The following NBEAL1 variants were observed in gnomAD, a reference collection of about 807,000 sequenced individuals.
The protein encoded by NBEAL1 is neurobeachin-like protein 1.
In NBEAL1, 273 loss-of-function variants were observed where a neutral mutation model predicts 351.3. The observed-to-expected ratio is 0.78, with a 90% CI of 0.70 to 0.86. The LOEUF is 0.86. NBEAL1 is among the 40% of genes least tolerant of loss of function. The pLI is 0.00. For synonymous variants in NBEAL1, 1,050 were observed against 1,086.4 expected (o/e 0.97, Z 0.66); for missense variants, 2,961 against 3,201.3 (o/e 0.92, Z 1.81).
At chr2:203,217,086 G>A (rs1217457430) in intron 55 of NBEAL1, among the ~76,000 whole-genome samples, 167 bp from the exon 56 acceptor site, 1 of 152,222 alleles carries the variant, frequency 6.6e-6, no homozygotes, top group Non-Finnish European at 1.5e-5. Flanking sequence ...TTACAGGCAT[G>A]AGTCACCACA....
rs941121068 is a variant in NBEAL1 at position 203,057,415 on chromosome 2, A to T, written c.477A>T (p.Leu159Phe). Residue 159 changes from leucine (L) to phenylalanine (F), a missense_variant, in exon 6 of 56, where the codon TTA becomes TTT. Leu to Phe is a conservative substitution (Grantham distance 22). Transcript: ENST00000683969. ...VIHALAFCES[L>F]YDPYRNWRHR... is the part of the protein sequence containing the mutation. ...ACGCATTGGCATTTTGTGAAAGCTT[A>T]TATGATCCATATCGGAATTGGAGAC... The T allele has an allele frequency of 6.4e-7, 1 of 1,552,660 alleles. No homozygotes were observed. Among genetic ancestry groups the T allele is most frequent in the Non-Finnish European group, 8.7e-7 (1 of 1,146,638 alleles).
At chr2:203,111,636 G>A (rs1398067618) in intron 15 of NBEAL1, among the ~76,000 whole-genome samples, 1 of 152,144 alleles carries the variant, frequency 6.6e-6, no homozygotes, top group African/African-American at 2.4e-5. Context: ...GATTACAGGT[G>A]TGAGCCACTG....
Position 203,208,306 on chromosome 2 carries a change from A to G in NBEAL1, c.7507-331A>G, listed in dbSNP as rs147532215. 1.9e-3 allele frequency among the ~76,000 whole-genome samples: 297 copies of G among 152,332 alleles called. 2 individuals are homozygous for G. Among genetic ancestry groups the G allele is most frequent in the African/African-American group, 6.5e-3 (269 of 41,576 alleles). On this transcript the variant is annotated intron_variant, in intron 51 of 55. Transcript: ENST00000683969. ...CTGTCTCAAAAAAATAAGGTTATTC[A>G]GAAATATAACACAAAAAGTTTATTT...
chr2:203,129,513 A>G lies in NBEAL1; in HGVS notation c.3406-805A>G, dbSNP rs142379390. Among the ~76,000 whole-genome samples the G allele has an allele frequency of 3.5e-4, 54 of 152,358 alleles. 1 individual carries two copies. In the East Asian group the frequency reaches 8.1e-3, roughly 23 times the overall value. On this transcript the variant is annotated intron_variant, in intron 24 of 55. Transcript: ENST00000683969. ...ATCTTATTTCATGATAGCTGTATCT[A>G]TGATTCATTGCCAACAATATTTTTT...
At chr2:203,183,218 G>T (rs2064784091) in intron 43 of NBEAL1, 61 bp from the exon 44 acceptor site, 1 of 940,188 alleles carries the variant, frequency 1.1e-6, no homozygotes, top group Non-Finnish European at 1.6e-6. Flanking sequence ...ATTAGTGTTT[G>T]TTTTACTTCG....
At chr2:203,142,101 A>T (rs1575034535) in intron 31 of NBEAL1, among the ~76,000 whole-genome samples, 1 of 152,152 alleles carries the variant, frequency 6.6e-6, no homozygotes, top group African/African-American at 2.4e-5. Context: ...AAAAATACCT[A>T]TGTAGGGCAT....
chr2:203,157,928 A>G, intron 36 of NBEAL1, 103 bp downstream of exon 36: 1 of 911,906 alleles, frequency 1.1e-6, no homozygotes. Flanking sequence ...CCAGGGTCCA[A>G]CAGTTAATGC....
At chr2:203,022,201 A>G (rs1302541857) in intron 2 of NBEAL1, among the ~76,000 whole-genome samples, 1 of 152,174 alleles carries the variant, frequency 6.6e-6, no homozygotes, top group Non-Finnish European at 1.5e-5. Context: ...AATATGTAGA[A>G]AAAAGAAACT....
chr2:203,112,082 T>C lies in NBEAL1; in HGVS notation c.2186T>C (p.Phe729Ser), dbSNP rs2062585990. 6.4e-7 allele frequency: 1 copy of C among 1,551,990 alleles called. No individual in the cohort carries two copies. Among genetic ancestry groups the C allele is most frequent in the Admixed American group, 2.0e-5 (1 of 50,774 alleles). Residue 729 changes from phenylalanine to serine, a missense_variant, in exon 16 of 56, where the codon TTT (phenylalanine) becomes TCT (serine). Transcript: ENST00000683969. Reference sequence around the variant, plus strand: ...CAGAAGGTTTCTGCCCCTCTCAGATTTCCTGCCATGAATGAAGTAAGTATA... The same window carrying C: ...CAGAAGGTTTCTGCCCCTCTCAGATCTCCTGCCATGAATGAAGTAAGTATA... ...GQQKVSAPLRFPAMNEPFTSC... is the reference protein window; with the variant it reads ...GQQKVSAPLRSPAMNEPFTSC...
chr2:203,027,872 T>G (rs2060884777), intron 2 of NBEAL1, among the ~76,000 whole-genome samples: 1 of 151,932 alleles, frequency 6.6e-6, no homozygotes, highest in African/African-American at 2.4e-5. Flanking sequence ...CCACCACACC[T>G]GGCTATTTTC....
At position 203,144,741 on chromosome 2, in the gene NBEAL1, T is replaced by C; in HGVS notation, c.4990T>C (p.Phe1664Leu). 1.9e-6 allele frequency: 3 copies of C among 1,614,154 alleles called. No homozygotes were observed. The highest frequency in any genetic ancestry group is 2.5e-6 in the Non-Finnish European group (3 of 1,180,004). Residue 1664 changes from phenylalanine to leucine, a missense_variant, in exon 32 of 56, where the codon TTT (phenylalanine) becomes CTT (leucine). Coordinates refer to ENST00000683969, the MANE Select transcript of NBEAL1 (RefSeq NM_001378026.1). ...CAAGGAACAGACTGAAATCTACTCA[T>C]TTCTGATTCCCCTTGTTCGTACCCT... The part of the protein sequence containing the change: ...SIKEQTEIYS[F>L]LIPLVRTLVS...
At chr2:203,092,115 C>G (rs1199731380) in intron 10 of NBEAL1, among the ~76,000 whole-genome samples, 1 of 152,016 alleles carries the variant, frequency 6.6e-6, no homozygotes, top group Non-Finnish European at 1.5e-5. Flanking sequence ...AATTAGGGAA[C>G]AGAACATTGT....
chr2:203,147,906 C>G (rs1306094648), intron 33 of NBEAL1, among the ~76,000 whole-genome samples: 1 of 151,958 alleles, frequency 6.6e-6, no homozygotes, highest in African/African-American at 2.4e-5. Flanking sequence ...GTATTCTCAT[C>G]AACACTTTCC....
intron 8 of NBEAL1, among the ~76,000 whole-genome samples, chr2:203,078,911 T>G (rs2061825069): frequency 1.3e-5 from 2 of 152,204 alleles, no homozygotes; most frequent in South Asian, 4.1e-4. Context: ...TGTGCTTCTT[T>G]ATAATACATT....
intron 8 of NBEAL1, among the ~76,000 whole-genome samples, chr2:203,080,009 C>A (rs1480609880): frequency 6.6e-6 from 1 of 152,124 alleles, no homozygotes. Context: ...CTCAAGTGAA[C>A]TTCATAAACA....
intron 31 of NBEAL1, among the ~76,000 whole-genome samples, chr2:203,140,268 A>C (rs958439600): frequency 6.6e-6 from 1 of 151,092 alleles, no homozygotes; most frequent in Admixed American, 6.6e-5. Flanking sequence ...ACGCCATTGC[A>C]CTCCAGCCTG....
chr2:203,077,231 G>A (rs935779057), intron 7 of NBEAL1, among the ~76,000 whole-genome samples: 4 of 151,982 alleles, frequency 2.6e-5, no homozygotes, highest in Non-Finnish European at 5.9e-5. Flanking sequence ...TTAGCTGGGC[G>A]TGGTGGCAGG....
intron 12 of NBEAL1, among the ~76,000 whole-genome samples, chr2:203,103,902 G>A (rs1310409296): frequency 2.0e-5 from 3 of 152,114 alleles, no homozygotes; most frequent in African/African-American, 7.2e-5. Context: ...TTTCATGTAA[G>A]CGTGTGGTTT....
At chr2:203,039,378 TC>T (rs1431863817) in intron 2 of NBEAL1, among the ~76,000 whole-genome samples, 1 of 121,830 alleles carries the variant, frequency 8.2e-6, no homozygotes, top group Non-Finnish European at 1.8e-5. Context: ...TCCTTTCCCT[TC>T]CCTTTCCTGT....
Sources: gnomAD v4.1 joint callset for allele counts (sites outside exome capture counted in the v4.1 genomes callset) on GRCh38, gnomAD v4.1.1 for gene constraint, MANE v1.5 for transcripts, NCBI Gene and HGNC (gene_info 2026-07-23, HGNC 2026-07-21) for gene names.